ZNF266: variants seen among roughly 807,000 people sequenced by gnomAD.
ZNF266 encodes the protein zinc finger protein 1.
Under a neutral mutation model 16.4 loss-of-function variants are expected in ZNF266, and 16 were observed. The ratio of observed to expected loss-of-function variants is 0.98; its 90% CI spans 0.66 to 1.48. The LOEUF (loss-of-function observed/expected upper bound fraction) is 1.48. ZNF266 is among the 40% of genes most tolerant of loss of function. The pLI is 0.00. For missense variants in ZNF266, 738 were observed against 689.1 expected (o/e 1.07, Z -0.79); for synonymous variants, 262 against 237.9 (o/e 1.10, Z -0.93).
intron 5 of ZNF266, among the ~76,000 whole-genome samples, chr19:9,424,417 C>T (rs1299869922): frequency 2.0e-5 from 3 of 152,244 alleles, no homozygotes; most frequent in Non-Finnish European, 4.4e-5. Flanking sequence ...AGCAGGACAA[C>T]AGAGGATTCG....
chr19:9,416,335 A>T (rs1005281963), intron 9 of ZNF266, among the ~76,000 whole-genome samples: 2 of 148,868 alleles, frequency 1.3e-5, no homozygotes, highest in Admixed American at 6.9e-5. Flanking sequence ...AAAAGCACAC[A>T]TCAAAACAAG....
chr19:9,419,610 A>C (rs1158191261), intron 6 of ZNF266: 1 of 152,262 alleles, frequency 6.6e-6, no homozygotes, highest in African/African-American at 2.4e-5. Context: ...GGGCTGATGA[A>C]GTATTCTGGC....
intron 9 of ZNF266, among the ~76,000 whole-genome samples, chr19:9,416,803 C>G (rs1458016013): frequency 1.3e-5 from 2 of 149,246 alleles, no homozygotes; most frequent in Non-Finnish European, 3.0e-5. Context: ...TCCCTAGTAG[C>G]TGGGACTACA....
In ZNF266 at chr19:9,413,533, G is replaced by T. The variant is rs1255351232; in HGVS notation, c.1593C>A (p.Phe531Leu). 38 of 1,613,298 alleles carry T rather than the reference G, an allele frequency of 2.4e-5. No homozygotes were observed. The highest frequency in any genetic ancestry group is 3.1e-5 in the Non-Finnish European group (36 of 1,179,358). ...HMRTHSAKKPFTCMECGKAFK... is the reference protein window; with the variant it reads ...HMRTHSAKKPLTCMECGKAFK... ...AAGCTTTGCCACATTCCATACACGT[G>T]AATGGTTTTTTGGCGCTGTGGGTCC... The change falls in exon 11 of 11, where the codon TTC (phenylalanine) becomes TTA (leucine). Residue 531 changes from phenylalanine to leucine, a missense_variant. Coordinates refer to ENST00000592904, the MANE Select transcript of ZNF266 (RefSeq NM_001370374.1).
chr19:9,433,021 CT>C (rs2071858277), intron 5 of ZNF266, among the ~76,000 whole-genome samples: 2 of 152,186 alleles, frequency 1.3e-5, no homozygotes, highest in South Asian at 4.1e-4. Context: ...AGAGCCCATC[CT>C]AACAGCTCAG....
At chr19:9,416,013 G>A (rs1019801254) in intron 9 of ZNF266, among the ~76,000 whole-genome samples, 15 of 151,824 alleles carry the variant, frequency 9.9e-5, no homozygotes, top group Non-Finnish European at 1.6e-4. Context: ...TAGTAGAGAC[G>A]AGATTTCACC....
chr19:9,416,817 G>A (rs1387906368), intron 9 of ZNF266, among the ~76,000 whole-genome samples: 2 of 150,226 alleles, frequency 1.3e-5, no homozygotes, highest in African/African-American at 4.9e-5. Context: ...GACTACAGGA[G>A]TGCGCCACCA....
intron 5 of ZNF266, among the ~76,000 whole-genome samples, chr19:9,426,458 T>G (rs900093779): frequency 7.2e-6 from 1 of 139,276 alleles, no homozygotes; most frequent in African/African-American, 2.7e-5. Context: ...AGACAGAAAT[T>G]AAGAACCCTT....
At chr19:9,430,843 C>T (rs1476995133) in intron 5 of ZNF266, among the ~76,000 whole-genome samples, 4 of 152,162 alleles carry the variant, frequency 2.6e-5, no homozygotes, top group East Asian at 1.9e-4. Context: ...GCCCATGGAC[C>T]GTAACAAAGG....
intron 5 of ZNF266, among the ~76,000 whole-genome samples, chr19:9,422,889 A>G (rs1324329152): frequency 6.6e-6 from 1 of 152,210 alleles, no homozygotes; most frequent in African/African-American, 2.4e-5. Context: ...GCTTGGCTGG[A>G]TGGTCAAAAA....
chr19:9,423,860 G>A (rs1011387099), intron 5 of ZNF266, among the ~76,000 whole-genome samples: 1 of 152,132 alleles, frequency 6.6e-6, no homozygotes, highest in Non-Finnish European at 1.5e-5. Flanking sequence ...AGCTGGGCGT[G>A]GTGACACATG....
rs2068597139 is a variant in ZNF266, at chr19:9,413,929, G to A, written c.1197C>T (p.Ser399=). 4.3e-6 allele frequency: 7 copies of A among 1,613,930 alleles called. No homozygotes were observed. Among genetic ancestry groups the A allele is most frequent in the Non-Finnish European group, 5.1e-6 (6 of 1,180,028 alleles). Residue 399 remains serine (S), a synonymous_variant, in exon 11 of 11, where the codon TCC becomes TCT. Transcript: ENST00000592904. ...DPFECKICGK[S]FRNSSCLSDH... is the part of the protein sequence containing the mutation. ...CACTGAGGCATGAGGAATTTCTAAAGGATTTTCCACATATCTTACATTCAA... is the reference window on the plus strand; with the variant it reads ...CACTGAGGCATGAGGAATTTCTAAAAGATTTTCCACATATCTTACATTCAA...
chr19:9,428,656 T>G (rs2071129284), intron 5 of ZNF266, among the ~76,000 whole-genome samples: 1 of 151,604 alleles, frequency 6.6e-6, no homozygotes, highest in African/African-American at 2.4e-5. Context: ...CCGACCCACC[T>G]TCTTCATGGT....
Position 9,413,757 on chromosome 19 carries a change from C to A in ZNF266, c.1369G>T (p.Ala457Ser). The change falls in exon 11 of 11, where the codon GCC becomes TCC. Residue 457 changes from alanine (A) to serine (S), a missense_variant. Physicochemically the swap from Ala to Ser is moderately conservative, Grantham distance 99 (BLOSUM62 1). Coordinates refer to ENST00000592904, the MANE Select transcript of ZNF266 (RefSeq NM_001370374.1). ...YECKECGKAF[A>S]RSSRLSEHTR... ...TGTTCACTAAGGCGAGAGGATCTGG[C>A]AAAGGCCTTTCCACATTCCTTACAT... The A allele has an allele frequency of 1.2e-6, 2 of 1,613,910 alleles. No individual in the cohort carries two copies. Among genetic ancestry groups the A allele is most frequent in the Non-Finnish European group, 8.5e-7 (1 of 1,179,944 alleles).
At chr19:9,427,494 T>C (rs2070932396) in intron 5 of ZNF266, among the ~76,000 whole-genome samples, 1 of 151,688 alleles carries the variant, frequency 6.6e-6, no homozygotes, top group Non-Finnish European at 1.5e-5. Context: ...CTAATATATA[T>C]ATATATATTT....
At chr19:9,416,463 A>G (rs1481724276) in intron 9 of ZNF266, among the ~76,000 whole-genome samples, 2 of 150,358 alleles carry the variant, frequency 1.3e-5, no homozygotes, top group African/African-American at 4.9e-5. Flanking sequence ...TCCCAAGTTC[A>G]AGCGATTCTC....
At chr19:9,423,632 A>G (rs937301045) in intron 5 of ZNF266, among the ~76,000 whole-genome samples, 1 of 152,186 alleles carries the variant, frequency 6.6e-6, no homozygotes. Flanking sequence ...TCACAGGTCA[A>G]GGTGTACGCT....
Position 9,424,220 on chromosome 19 carries a change from CA to C in ZNF266, c.-129-4003del, listed in dbSNP as rs55740067. 1.2e-3 allele frequency among the ~76,000 whole-genome samples: 145 copies of C among 121,626 alleles called. 1 individual carries two copies. Among genetic ancestry groups the C allele is most frequent in the Middle Eastern group, 8.3e-3 (2 of 242 alleles). The allele number at this position is 121,626 out of a possible 152,430, so 79.8% of individuals were successfully genotyped here. ...CTTCATATACCACTAAACCAAGAGG[CA>C]AAAAAAAAAAAAAAAAAAAAGAAAA... On this transcript the variant is annotated intron_variant, in intron 5 of 10. Coordinates refer to ENST00000592904, the MANE Select transcript of ZNF266 (RefSeq NM_001370374.1).
At chr19:9,415,767 G>GT in intron 9 of ZNF266, 25 bp from the exon 10 acceptor site, 1 of 1,590,186 alleles carries the variant, frequency 6.3e-7, no homozygotes, top group East Asian at 2.2e-5. Flanking sequence ...AAATGTAAGG[G>GT]TTTGGAGACA....
Sources: gnomAD v4.1 joint callset for allele counts (sites outside exome capture counted in the v4.1 genomes callset) on GRCh38, gnomAD v4.1.1 for gene constraint, MANE v1.5 for transcripts, NCBI Gene and HGNC (gene_info 2026-07-23, HGNC 2026-07-21) for gene names.